CDH7: variants seen among roughly 807,000 people sequenced by gnomAD.
The protein encoded by CDH7 is cadherin-7.
In CDH7, 25 loss-of-function variants were observed where a neutral mutation model predicts 71.8. That is an observed-to-expected ratio of 0.35 (90% CI 0.25 to 0.49). CDH7 has a LOEUF of 0.49. Among genes scored for constraint, CDH7 ranks in the 20% least tolerant of loss-of-function variants. The pLI, the probability that CDH7 is intolerant of heterozygous loss-of-function variation, is 0.99. For synonymous variants in CDH7, 381 were observed against 363.8 expected, an observed-to-expected ratio of 1.05 and a Z score of -0.54; for missense variants, 862 against 974.6, an observed-to-expected ratio of 0.88 and a Z score of 1.54.
intron 2 of CDH7, among the ~76,000 whole-genome samples, chr18:65,780,455 T>C (rs1910136573): frequency 7.3e-6 from 1 of 136,814 alleles, no homozygotes. Flanking sequence ...GTTTAAATCT[T>C]TAATCCATCT....
At chr18:65,867,517 G>T (rs1913801419) in intron 11 of CDH7, among the ~76,000 whole-genome samples, 1 of 152,086 alleles carries the variant, frequency 6.6e-6, no homozygotes, top group African/African-American at 2.4e-5. Flanking sequence ...TATTTATTCA[G>T]TAGATTTTTT....
At chr18:65,794,041 G>A (rs1263916590) in intron 2 of CDH7, among the ~76,000 whole-genome samples, 2 of 152,100 alleles carry the variant, frequency 1.3e-5, no homozygotes, top group African/African-American at 4.8e-5. Context: ...AGAATTAGAA[G>A]TAGGAAGTAG....
At chr18:65,826,639 C>G (rs1912141638) in intron 6 of CDH7, among the ~76,000 whole-genome samples, 1 of 151,348 alleles carries the variant, frequency 6.6e-6, no homozygotes, top group South Asian at 2.1e-4. Context: ...AGTATCATTT[C>G]TAAATCTTAC....
intron 2 of CDH7, among the ~76,000 whole-genome samples, chr18:65,764,459 G>A (rs1047250952): frequency 5.3e-5 from 8 of 151,966 alleles, no homozygotes; most frequent in South Asian, 2.1e-4. Context: ...CAGTAACACC[G>A]TCATATTTAC....
In CDH7 at chr18:65,863,201, C is replaced by A. The variant is rs1279033144; in HGVS notation, c.1864+284C>A. The A allele has an allele frequency of 2.0e-5, 9 of 442,018 alleles. No individual in the cohort carries two copies. The East Asian group carries it at 3.8e-4, about 19-fold the overall frequency. 27.4% of individuals were successfully genotyped at this position (442,018 alleles called of 1,614,324 possible). A position where few individuals can be genotyped will look rare whatever the true frequency, so the allele number is the denominator to read the frequency against. On this transcript the variant is annotated intron_variant, in intron 11 of 11. Transcript: ENST00000397968. ...TACAGGGGTGCACCACCACACCCAG[C>A]TAACTTTTGTATCTTTAGTAGAGAC...
intron 1 of CDH7, among the ~76,000 whole-genome samples, chr18:65,759,805 G>A (rs528826936): frequency 1.3e-5 from 2 of 152,298 alleles, no homozygotes; most frequent in Non-Finnish European, 2.9e-5. Flanking sequence ...TCCAGACTGT[G>A]TGCTTCGTTC....
intron 2 of CDH7, among the ~76,000 whole-genome samples, chr18:65,808,646 A>G (rs1911413549): frequency 6.6e-6 from 1 of 152,196 alleles, no homozygotes; most frequent in Non-Finnish European, 1.5e-5. Context: ...ACAGGGAAGG[A>G]TGAAAATGTA....
At chr18:65,871,558 T>C (rs1441205636) in intron 11 of CDH7, among the ~76,000 whole-genome samples, 1 of 152,012 alleles carries the variant, frequency 6.6e-6, no homozygotes, top group African/African-American at 2.4e-5. Context: ...CATGCGGTGA[T>C]GGAGAGTTGA....
Position 65,802,730 on chromosome 18 carries a change from G to A in CDH7, c.211-6974G>A, listed in dbSNP as rs968668961. On this transcript the variant is annotated intron_variant, in intron 2 of 11. Transcript: ENST00000397968. ...TTGATCATTAAGAATTCGACTGTAG[G>A]CAGATTTCTTAAGTTGTGTGAGAGT... is the stretch of plus-strand genomic sequence containing the variant. Among the ~76,000 whole-genome samples the A allele has an allele frequency of 2.6e-5, 4 of 152,158 alleles. No homozygotes were observed. The East Asian group carries it at 5.8e-4, about 22-fold the overall frequency.
chr18:65,821,481 C>T (rs1482984602), intron 4 of CDH7, among the ~76,000 whole-genome samples: 1 of 152,022 alleles, frequency 6.6e-6, no homozygotes, highest in African/African-American at 2.4e-5. Context: ...CATCCAACTA[C>T]ACTTAGTGTA....
intron 11 of CDH7, among the ~76,000 whole-genome samples, chr18:65,870,434 A>G (rs988339136): frequency 6.6e-6 from 1 of 151,968 alleles, no homozygotes; most frequent in Non-Finnish European, 1.5e-5. Context: ...CATTTTTCCT[A>G]TCACTTTCCT....
At chr18:65,810,930 G>T (rs547924311) in intron 3 of CDH7, among the ~76,000 whole-genome samples, 1 of 152,118 alleles carries the variant, frequency 6.6e-6, no homozygotes, top group African/African-American at 2.4e-5. Flanking sequence ...ACCCAGTAAA[G>T]CATTTCTAGT....
At chr18:65,878,768 A>G (rs570142996) in intron 11 of CDH7, among the ~76,000 whole-genome samples, 1 of 152,176 alleles carries the variant, frequency 6.6e-6, no homozygotes, top group Non-Finnish European at 1.5e-5. Flanking sequence ...TGAAGTAAAC[A>G]GGAGCAAAAA....
At chr18:65,777,350 A>G (rs144142934) in intron 2 of CDH7, among the ~76,000 whole-genome samples, 5 of 152,188 alleles carry the variant, frequency 3.3e-5, no homozygotes, top group East Asian at 1.9e-4. Context: ...TGAGTATGCA[A>G]ATACTCAAAG....
At chr18:65,877,737 A>G (rs1599069910) in intron 11 of CDH7, among the ~76,000 whole-genome samples, 1 of 152,296 alleles carries the variant, frequency 6.6e-6, no homozygotes, top group Middle Eastern at 3.4e-3. Flanking sequence ...AAGAAGTCCT[A>G]CTGGGTTCTA....
chr18:65,837,898 G>A (rs766464362), intron 6 of CDH7, among the ~76,000 whole-genome samples: 22 of 149,708 alleles, frequency 1.5e-4, no homozygotes, highest in Non-Finnish European at 2.8e-4. Flanking sequence ...GTTCTGGGTA[G>A]TATGTTTATT....
At chr18:65,814,374 TA>T in intron 3 of CDH7, 110 bp from the exon 4 acceptor site, 1 of 1,233,418 alleles carries the variant, frequency 8.1e-7, no homozygotes, top group Non-Finnish European at 1.2e-6. Flanking sequence ...TTGAAAAAGA[TA>T]AATGAAAATT....
intron 2 of CDH7, among the ~76,000 whole-genome samples, chr18:65,779,078 G>T (rs199964754): frequency 0.078 from 5,159 of 66,278 alleles, 275 homozygotes; most frequent in African/African-American, 0.31. Flanking sequence ...CTGTTTGTTT[G>T]TTTGTTTTTT....
intron 6 of CDH7, among the ~76,000 whole-genome samples, chr18:65,827,902 A>G (rs1474264796): frequency 1.3e-5 from 2 of 151,942 alleles, no homozygotes; most frequent in African/African-American, 2.4e-5. Context: ...AAAAATACCT[A>G]TGGTGCTTTT....
Sources: gnomAD v4.1 joint callset for allele counts (sites outside exome capture counted in the v4.1 genomes callset) on GRCh38, gnomAD v4.1.1 for gene constraint, MANE v1.5 for transcripts, NCBI Gene and HGNC (gene_info 2026-07-23, HGNC 2026-07-21) for gene names.